DACH1: variants seen among roughly 807,000 people sequenced by gnomAD.
The protein encoded by DACH1 is dachshund family transcription factor 1.
Under a neutral mutation model 54.2 loss-of-function variants are expected in DACH1, and 12 were observed. The observed-to-expected ratio is 0.22, with a 90% confidence interval of 0.14 to 0.36. DACH1 has a LOEUF of 0.36. DACH1 is among the 10% of genes least tolerant of loss of function. DACH1 has a pLI of 1.00. For synonymous variants in DACH1, 386 were observed against 366.2 expected (o/e 1.05, Z -0.62); for missense variants, 805 against 929.8 (o/e 0.87, Z 1.75).
At chr13:71,607,916 A>G (rs1874996608) in intron 3 of DACH1, among the ~76,000 whole-genome samples, 2 of 152,010 alleles carry the variant, frequency 1.3e-5, no homozygotes, top group South Asian at 2.1e-4. Flanking sequence ...TTATTCCCTC[A>G]GTTTAGGAAT....
At chr13:71,582,780 A>G (rs981798463) in intron 3 of DACH1, among the ~76,000 whole-genome samples, 7 of 152,160 alleles carry the variant, frequency 4.6e-5, no homozygotes, top group African/African-American at 1.7e-4. Context: ...TATTCGAAGC[A>G]CTTTTCATCA....
In DACH1 at chr13:71,571,492, C is replaced by T. The variant is rs537474912; in HGVS notation, c.1299+1348G>A. On this transcript the variant is annotated intron_variant, in intron 4 of 10. Coordinates refer to ENST00000613252, the MANE Select transcript of DACH1 (RefSeq NM_080759.6). ...CTCTTAGAGAAGAGTTTTCAAAGGT[C>T]TTTTTATCAGTTCCTTGGCTGATAA... Among the ~76,000 whole-genome samples the T allele has an allele frequency of 2.6e-5, 4 of 152,176 alleles. No individual in the cohort carries two copies. The South Asian group carries it at 6.2e-4, about 24-fold the overall frequency.
chr13:71,794,735 A>G (rs303943), intron 1 of DACH1, among the ~76,000 whole-genome samples: 77,112 of 152,066 alleles, frequency 0.51, 20,859 homozygotes, highest in African/African-American at 0.69. Context: ...ACCGCACCCA[A>G]CAAGCAACTA....
intron 7 of DACH1, among the ~76,000 whole-genome samples, chr13:71,488,172 A>G (rs1488618919): frequency 1.3e-5 from 2 of 152,176 alleles, no homozygotes; most frequent in Non-Finnish European, 2.9e-5. Context: ...CTGAGGATGG[A>G]ATGTTAGAGT....
intron 1 of DACH1, among the ~76,000 whole-genome samples, chr13:71,728,500 G>GA (rs535101234): frequency 2.6e-5 from 4 of 151,706 alleles, no homozygotes; most frequent in African/African-American, 4.8e-5. Flanking sequence ...CCTCTAAAGA[G>GA]AAAAAAATTG....
At chr13:71,833,431 T>C (rs935339862) in intron 1 of DACH1, among the ~76,000 whole-genome samples, 1 of 152,018 alleles carries the variant, frequency 6.6e-6, no homozygotes, top group East Asian at 1.9e-4. Context: ...CTACTTGAAG[T>C]ATAAGTGGAG....
intron 6 of DACH1, among the ~76,000 whole-genome samples, chr13:71,506,704 A>G (rs1410837332): frequency 6.6e-6 from 1 of 152,178 alleles, no homozygotes; most frequent in Non-Finnish European, 1.5e-5. Context: ...GTACCAAAAC[A>G]GAGATATTGA....
intron 6 of DACH1, among the ~76,000 whole-genome samples, chr13:71,552,050 C>T (rs1265398504): frequency 6.6e-6 from 1 of 151,936 alleles, no homozygotes; most frequent in Non-Finnish European, 1.5e-5. Context: ...ATGTTGGTCT[C>T]CTGAAGTTGT....
chr13:71,690,107 A>G (rs1213066171), intron 1 of DACH1, among the ~76,000 whole-genome samples: 1 of 152,196 alleles, frequency 6.6e-6, no homozygotes, highest in African/African-American at 2.4e-5. Flanking sequence ...ATGTCCCTTT[A>G]TAAAGTGAAT....
intron 6 of DACH1, among the ~76,000 whole-genome samples, chr13:71,490,374 A>G (rs73518997): frequency 0.014 from 2,189 of 152,290 alleles, 61 homozygotes; most frequent in African/African-American, 0.05. Flanking sequence ...AACAAGTTAA[A>G]TTCATCTCCC....
intron 1 of DACH1, among the ~76,000 whole-genome samples, chr13:71,814,077 C>G (rs891777682): frequency 2.6e-5 from 4 of 152,114 alleles, no homozygotes; most frequent in Non-Finnish European, 5.9e-5. Flanking sequence ...AGTGACTGGC[C>G]TTATCTGTTG....
intron 6 of DACH1, among the ~76,000 whole-genome samples, chr13:71,504,756 G>A (rs564727427): frequency 6.6e-6 from 1 of 152,092 alleles, no homozygotes; most frequent in Admixed American, 6.5e-5. Flanking sequence ...TTTTTATTTC[G>A]ATGGCATGTT....
intron 6 of DACH1, among the ~76,000 whole-genome samples, chr13:71,528,043 A>G (rs1882130006): frequency 6.6e-6 from 1 of 152,196 alleles, no homozygotes; most frequent in African/African-American, 2.4e-5. Flanking sequence ...TTTGTCCATG[A>G]GATTTTTGTG....
intron 10 of DACH1, among the ~76,000 whole-genome samples, chr13:71,459,198 A>T (rs1190160272): frequency 6.6e-6 from 1 of 152,022 alleles, no homozygotes; most frequent in East Asian, 1.9e-4. Context: ...TCTTTAAAAT[A>T]CTAAACATGG....
chr13:71,797,286 A>C (rs985074435), intron 1 of DACH1, among the ~76,000 whole-genome samples: 3 of 152,136 alleles, frequency 2.0e-5, no homozygotes, highest in African/African-American at 7.2e-5. Flanking sequence ...GGATTTAGAA[A>C]AGAAAACGTG....
intron 6 of DACH1, among the ~76,000 whole-genome samples, chr13:71,541,622 T>A (rs1418180015): frequency 2.0e-5 from 3 of 152,056 alleles, no homozygotes; most frequent in Admixed American, 2.0e-4. Context: ...TTATATGGCA[T>A]TTTACATTTT....
intron 3 of DACH1, among the ~76,000 whole-genome samples, chr13:71,609,995 T>C (rs1457180831): frequency 2.0e-5 from 3 of 152,082 alleles, no homozygotes; most frequent in Non-Finnish European, 1.5e-5. Context: ...CTTTATAAAT[T>C]TGAAATGAAG....
At chr13:71,522,309 C>G (rs1881657377) in intron 6 of DACH1, among the ~76,000 whole-genome samples, 1 of 152,018 alleles carries the variant, frequency 6.6e-6, no homozygotes, top group Non-Finnish European at 1.5e-5. Context: ...ATTCAGATCT[C>G]AGAAGTACTG....
intron 1 of DACH1, among the ~76,000 whole-genome samples, chr13:71,807,345 G>A (rs1408143824): frequency 7.1e-6 from 1 of 141,620 alleles, no homozygotes; most frequent in Non-Finnish European, 1.5e-5. Context: ...GTGGAAGCTT[G>A]TGTTTGCCAG....
Sources: gnomAD v4.1 joint callset for allele counts (sites outside exome capture counted in the v4.1 genomes callset) on GRCh38, gnomAD v4.1.1 for gene constraint, MANE v1.5 for transcripts, NCBI Gene and HGNC (gene_info 2026-07-23, HGNC 2026-07-21) for gene names.